The following OR2L13 variants were observed in gnomAD, a reference collection of about 807,000 sequenced individuals.
The protein encoded by OR2L13 is olfactory receptor 2L13.
Under a neutral mutation model 15.3 loss-of-function variants are expected in OR2L13, and 14 were observed. The ratio of observed to expected loss-of-function variants is 0.91; its 90% CI spans 0.60 to 1.43. OR2L13 has a LOEUF of 1.43. Among genes scored for constraint, OR2L13 ranks in the 40% most tolerant of loss-of-function variants. The pLI is 0.00. For missense variants in OR2L13, 367 were observed against 387.9 expected (o/e 0.95, Z 0.45); for synonymous variants, 152 against 142.9 (o/e 1.06, Z -0.45).
At chr1:248,059,184 T>C in the OR2L13 span, among the ~76,000 whole-genome samples, 126 of 152,270 alleles carry the variant, frequency 8.3e-4, no homozygotes, top group African/African-American at 2.9e-3. Flanking sequence ...TGAATGTTAG[T>C]TGTATACGTG....
chr1:247,990,656 A>C, the OR2L13 span: 1 of 1,528,230 alleles, frequency 6.5e-7, no homozygotes, highest in Non-Finnish European at 9.1e-7. Context: ...TTTCCTCTCC[A>C]CTATCCCATC....
chr1:248,041,748 C>A, the OR2L13 span: 1 of 152,116 alleles, frequency 6.6e-6, no homozygotes, highest in Non-Finnish European at 1.5e-5. Context: ...AGCCAAAAAA[C>A]ACATGAAAAA....
At chr1:247,966,772 C>G in the OR2L13 span, among the ~76,000 whole-genome samples, 1 of 152,116 alleles carries the variant, frequency 6.6e-6, no homozygotes, top group African/African-American at 2.4e-5. Flanking sequence ...TCCTGTTTTC[C>G]TTTCGTGGTT....
chr1:248,038,291 A>G, the OR2L13 span: 3 of 1,611,014 alleles, frequency 1.9e-6, no homozygotes, highest in East Asian at 2.2e-5. Context: ...ATCAAACATC[A>G]ACTGATTTCA....
chr1:248,067,970 C>A, the OR2L13 span, among the ~76,000 whole-genome samples: 40 of 152,350 alleles, frequency 2.6e-4, no homozygotes, highest in South Asian at 8.3e-4. Flanking sequence ...CCCAGGCTTG[C>A]TTAGGTAAAC....
the OR2L13 span, chr1:248,087,590 T>C: frequency 6.6e-6 from 1 of 152,214 alleles, no homozygotes; most frequent in Non-Finnish European, 1.5e-5. Context: ...GTATTGTGGC[T>C]ACTGCTTTGT....
the OR2L13 span, among the ~76,000 whole-genome samples, chr1:248,070,095 G>A: frequency 1.3e-5 from 2 of 152,100 alleles, no homozygotes; most frequent in Non-Finnish European, 2.9e-5. Flanking sequence ...GGATACCCAG[G>A]AATCGAACTC....
chr1:248,042,046 A>T, the OR2L13 span: 8 of 152,292 alleles, frequency 5.3e-5, no homozygotes, highest in East Asian at 1.5e-3. Flanking sequence ...CTATAAAGAC[A>T]CATGCACACC....
chr1:248,087,511 A>G, the OR2L13 span: 4 of 152,232 alleles, frequency 2.6e-5, no homozygotes, highest in African/African-American at 7.2e-5. Flanking sequence ...AGAGAATCAC[A>G]GCCAGTGTGA....
the OR2L13 span, among the ~76,000 whole-genome samples, chr1:247,950,107 C>G: frequency 6.6e-6 from 1 of 151,702 alleles, no homozygotes; most frequent in Non-Finnish European, 1.5e-5. Flanking sequence ...CTCAGCATAA[C>G]AATTTTATTA....
the OR2L13 span, among the ~76,000 whole-genome samples, chr1:247,972,762 C>T: frequency 6.6e-6 from 1 of 152,182 alleles, no homozygotes; most frequent in African/African-American, 2.4e-5. Flanking sequence ...GGAACTCCTC[C>T]TTAACTCATT....
chr1:248,061,072 T>C, the OR2L13 span: 1 of 1,614,124 alleles, frequency 6.2e-7, no homozygotes, highest in Admixed American at 1.7e-5. Context: ...TCCTCTTCAC[T>C]ATCCCATCCG....
the OR2L13 span, among the ~76,000 whole-genome samples, chr1:248,073,868 A>G: frequency 1.2e-3 from 184 of 152,034 alleles, no homozygotes; most frequent in African/African-American, 4.3e-3. Context: ...TAATATAAAT[A>G]TTAACTCTAT....
chr1:247,947,660 G>A, the OR2L13 span, among the ~76,000 whole-genome samples: 1 of 152,188 alleles, frequency 6.6e-6, no homozygotes, highest in Non-Finnish European at 1.5e-5. Flanking sequence ...TATTTGGTAA[G>A]GGGTCTGCTT....
chr1:248,084,000 A>G, the OR2L13 span: 1 of 1,611,400 alleles, frequency 6.2e-7, no homozygotes, highest in Non-Finnish European at 8.5e-7. Flanking sequence ...CACACAGCAG[A>G]TGTACATGGC....
the OR2L13 span, among the ~76,000 whole-genome samples, chr1:247,946,870 T>C: frequency 6.6e-6 from 1 of 152,196 alleles, no homozygotes; most frequent in Non-Finnish European, 1.5e-5. Flanking sequence ...AAAAAAACTA[T>C]TGCATTTGAA....
the OR2L13 span, among the ~76,000 whole-genome samples, chr1:248,027,574 C>G: frequency 2.0e-5 from 3 of 152,146 alleles, no homozygotes; most frequent in African/African-American, 7.2e-5. Context: ...TAAAATTTCT[C>G]TCTTTGTCCT....
At chr1:248,075,696 G>T in the OR2L13 span, among the ~76,000 whole-genome samples, 2 of 152,074 alleles carry the variant, frequency 1.3e-5, no homozygotes, top group Non-Finnish European at 2.9e-5. Flanking sequence ...TTTTTGATGA[G>T]GTTGTTTGTT....
chr1:248,026,017 GCAGCACAC>G, the OR2L13 span, among the ~76,000 whole-genome samples: 1 of 151,922 alleles, frequency 6.6e-6, no homozygotes. Flanking sequence ...GTTAATGAGT[GCAGCACAC>G]CAGCATAGCA....
Sources: allele counts gnomAD v4.1 joint callset (sites outside exome capture counted in the v4.1 genomes callset), GRCh38; gene constraint gnomAD v4.1.1; transcripts MANE v1.5; gene names NCBI Gene and HGNC (gene_info 2026-07-23, HGNC 2026-07-21).